Variants in DGKI observed in about 807,000 individuals in gnomAD.
The protein encoded by DGKI is DAG kinase iota.
In DGKI, 55 loss-of-function variants were observed where a neutral mutation model predicts 147.5. The observed-to-expected ratio is 0.37, with a 90% CI of 0.30 to 0.47. DGKI has a LOEUF of 0.47. DGKI is among the 20% of genes least tolerant of loss of function. The pLI is 1.00. For missense variants in DGKI, 1,007 were observed against 1,323.8 expected, an observed-to-expected ratio of 0.76 and a Z score of 3.71; for synonymous variants, 469 against 477.1, an observed-to-expected ratio of 0.98 and a Z score of 0.22.
At chr7:137,683,676 A>G (rs1823317532) in intron 2 of DGKI, among the ~76,000 whole-genome samples, 1 of 152,236 alleles carries the variant, frequency 6.6e-6, no homozygotes, top group African/African-American at 2.4e-5. Flanking sequence ...CAAATAGTAT[A>G]CAACTCAAAG....
chr7:137,593,038 T>G (rs1448846445), intron 12 of DGKI, among the ~76,000 whole-genome samples: 3 of 152,182 alleles, frequency 2.0e-5, no homozygotes, highest in Admixed American at 1.3e-4. Flanking sequence ...TTCTTTGCAT[T>G]GGCTGTGGTG....
At chr7:137,729,203 TC>T (rs572293108) in intron 1 of DGKI, among the ~76,000 whole-genome samples, 26 of 152,280 alleles carry the variant, frequency 1.7e-4, no homozygotes, top group African/African-American at 5.3e-4. Flanking sequence ...CAAAGACATT[TC>T]AACCCAAATA....
intron 21 of DGKI, among the ~76,000 whole-genome samples, chr7:137,518,535 C>G (rs926261711): frequency 6.6e-5 from 10 of 152,062 alleles, no homozygotes; most frequent in African/African-American, 2.4e-4. Context: ...CATTGTCAAA[C>G]ACTGTATTTG....
chr7:137,802,363 C>T (rs1026853375), intron 1 of DGKI, among the ~76,000 whole-genome samples: 5 of 152,284 alleles, frequency 3.3e-5, no homozygotes, highest in Non-Finnish European at 7.4e-5. Flanking sequence ...CCTAAAACCA[C>T]CTGTTCCCCA....
Position 137,678,671 on chromosome 7 carries a change from C to T in DGKI, c.511-19G>A, listed in dbSNP as rs1823124364. ...CATTCTCCTGCAAGGAAAAGACCCA[C>T]CTGACATCAATTTTTTTTTTCCAGG... On this transcript the variant is annotated intron_variant, in intron 2 of 32. Transcript: ENST00000614521. The T allele has an allele frequency of 1.9e-6, 3 of 1,609,880 alleles. No homozygotes were observed. The highest frequency in any genetic ancestry group is 2.5e-6 in the Non-Finnish European group (3 of 1,177,152).
chr7:137,471,970 C>A (rs1585146802), intron 23 of DGKI, among the ~76,000 whole-genome samples: 1 of 131,004 alleles, frequency 7.6e-6, no homozygotes, highest in Non-Finnish European at 1.6e-5. Flanking sequence ...ATATTATATA[C>A]ATGTGTATAT....
chr7:137,417,264 AATATTAAGTT>A (rs1228204386), intron 28 of DGKI, among the ~76,000 whole-genome samples: 8 of 152,230 alleles, frequency 5.3e-5, no homozygotes, highest in Non-Finnish European at 1.2e-4. Flanking sequence ...TAAGTATATG[AATATTAAGTT>A]TCTTGGAAAA....
At chr7:137,573,162 G>A (rs185665475) in intron 17 of DGKI, among the ~76,000 whole-genome samples, 7 of 152,172 alleles carry the variant, frequency 4.6e-5, no homozygotes, top group East Asian at 1.9e-4. Flanking sequence ...GACTGATGGT[G>A]TCAACATTAA....
At chr7:137,825,650 G>T (rs569192749) in intron 1 of DGKI, among the ~76,000 whole-genome samples, 1 of 150,546 alleles carries the variant, frequency 6.6e-6, no homozygotes, top group Non-Finnish European at 1.5e-5. Flanking sequence ...ACATTCACAC[G>T]CACTCACACA....
chr7:137,810,356 T>C (rs1033728815), intron 1 of DGKI, among the ~76,000 whole-genome samples: 15 of 151,606 alleles, frequency 9.9e-5, no homozygotes, highest in Non-Finnish European at 2.9e-5. Flanking sequence ...TACAAGGAAA[T>C]ACAGAAAAAA....
intron 30 of DGKI, among the ~76,000 whole-genome samples, chr7:137,399,001 C>CCTTTT (rs1346606738): frequency 3.0e-5 from 2 of 66,448 alleles, no homozygotes; most frequent in Non-Finnish European, 8.3e-5. Flanking sequence ...CCCAGGGTTC[C>CCTTTT]ATTTTTTTTT....
chr7:137,552,059 C>T (rs1229392866), intron 20 of DGKI, among the ~76,000 whole-genome samples: 10 of 152,172 alleles, frequency 6.6e-5, no homozygotes, highest in Admixed American at 4.6e-4. Flanking sequence ...TACCTGAACA[C>T]GGTTTACCAT....
At chr7:137,822,034 A>G (rs1476588706) in intron 1 of DGKI, among the ~76,000 whole-genome samples, 2 of 152,136 alleles carry the variant, frequency 1.3e-5, no homozygotes, top group African/African-American at 2.4e-5. Context: ...AGAAAATACA[A>G]CCGCAGCTGG....
chr7:137,554,658 A>G (rs1052081325), intron 19 of DGKI, among the ~76,000 whole-genome samples: 1 of 152,014 alleles, frequency 6.6e-6, no homozygotes, highest in Non-Finnish European at 1.5e-5. Context: ...AAGTCATTCT[A>G]CTTGCTGTCA....
chr7:137,632,514 T>G (rs58503212), intron 6 of DGKI, among the ~76,000 whole-genome samples: 8,348 of 152,196 alleles, frequency 0.055, 707 homozygotes, highest in African/African-American at 0.18. Flanking sequence ...CAAGTTGACA[T>G]GTATACCCTG....
rs369552314 is a variant in DGKI at position 137,488,999 on chromosome 7, T to C, written c.2249-1310A>G. On this transcript the variant is annotated intron_variant, in intron 21 of 32. Transcript: ENST00000614521. ...TTTAGCTAGAGGAGTAAAGGTGGTC[T>C]AGAGAAAAAGAAATAGAGTTTGTAT... is the stretch of plus-strand genomic sequence containing the variant. 3.9e-5 allele frequency among the ~76,000 whole-genome samples: 6 copies of C among 152,276 alleles called. No individual in the cohort carries two copies. The East Asian group carries it at 1.2e-3, about 29-fold the overall frequency.
chr7:137,442,808 G>T (rs1374346910), intron 28 of DGKI, among the ~76,000 whole-genome samples: 1 of 152,090 alleles, frequency 6.6e-6, no homozygotes, highest in African/African-American at 2.4e-5. Flanking sequence ...TTCCTTGTTT[G>T]CTCTTCGTTG....
intron 20 of DGKI, among the ~76,000 whole-genome samples, chr7:137,548,377 C>T (rs567110211): frequency 6.6e-6 from 1 of 152,122 alleles, no homozygotes; most frequent in Non-Finnish European, 1.5e-5. Flanking sequence ...GTATGTGGGG[C>T]CTGGTCAGAG....
At chr7:137,409,808 G>A (rs1415122735) in intron 29 of DGKI, among the ~76,000 whole-genome samples, 1 of 152,068 alleles carries the variant, frequency 6.6e-6, no homozygotes, top group Non-Finnish European at 1.5e-5. Context: ...AGTTGTCCAG[G>A]AGCTATTTGT....
Sources: gnomAD v4.1 joint callset for allele counts (sites outside exome capture counted in the v4.1 genomes callset) on GRCh38, gnomAD v4.1.1 for gene constraint, MANE v1.5 for transcripts, NCBI Gene and HGNC (gene_info 2026-07-23, HGNC 2026-07-21) for gene names.